PCDHGA10: variants seen among roughly 807,000 people sequenced by gnomAD.
PCDHGA10 encodes protocadherin gamma subfamily A, 10.
In PCDHGA10, 42 loss-of-function variants were observed where a neutral mutation model predicts 59.5. The ratio of observed to expected loss-of-function variants is 0.71; its 90% CI spans 0.55 to 0.91. The LOEUF (loss-of-function observed/expected upper bound fraction) is 0.91. Ranked by LOEUF, PCDHGA10 falls within the 40% of genes least tolerant of loss-of-function variation. The probability of loss-of-function intolerance (pLI) is 0.00; values close to 1 mark genes in which losing one functional copy is unlikely to be tolerated. For synonymous variants in PCDHGA10, 511 were observed against 517.2 expected (o/e 0.99, Z 0.16); for missense variants, 1,111 against 1,198.2 (o/e 0.93, Z 1.07).
chr5:141,431,968 T>G lies in PCDHGA10; in HGVS notation c.2436+16357T>G, dbSNP rs571981127. 6.2e-7 allele frequency: 1 copy of G among 1,614,190 alleles called. No individual in the cohort carries two copies. Among genetic ancestry groups the G allele is most frequent in the Admixed American group, 1.7e-5 (1 of 60,024 alleles). On this transcript the variant is annotated intron_variant, in intron 1 of 3. Coordinates refer to ENST00000398610, the MANE Select transcript of PCDHGA10 (RefSeq NM_018913.3). The surrounding 1 kb of genome is among the most constrained non-coding windows in gnomAD (Gnocchi z 4.8). ...AAAAATCTTACGGAAATTACTATAGTTTAGTCACAGACATAGTCTTGGATA... is the reference window on the plus strand; with the variant it reads ...AAAAATCTTACGGAAATTACTATAGGTTAGTCACAGACATAGTCTTGGATA...
chr5:141,428,546 A>C (rs1476382847), intron 1 of PCDHGA10: 1 of 263,642 alleles, frequency 3.8e-6, no homozygotes, highest in Non-Finnish European at 7.5e-6. Flanking sequence ...ATGACACCAG[A>C]AACAGTCCCC....
intron 1 of PCDHGA10, among the ~76,000 whole-genome samples, chr5:141,457,628 C>T (rs1210673176): frequency 6.6e-6 from 1 of 152,244 alleles, no homozygotes; most frequent in Non-Finnish European, 1.5e-5. Context: ...TAATCTTATA[C>T]TTGGCCTGAT....
At chr5:141,482,999 T>G (rs1031397558) in intron 1 of PCDHGA10, among the ~76,000 whole-genome samples, 3 of 151,950 alleles carry the variant, frequency 2.0e-5, no homozygotes, top group Non-Finnish European at 2.9e-5. Flanking sequence ...GCAGGAGAAT[T>G]GCTTGAACCC....
chr5:141,423,273 G>C, intron 1 of PCDHGA10: 2 of 1,613,896 alleles, frequency 1.2e-6, no homozygotes, highest in Non-Finnish European at 1.7e-6. Flanking sequence ...TCGAGTCTCT[G>C]GCTAACTCTG....
chr5:141,483,736 G>A (rs1296877404), intron 1 of PCDHGA10, among the ~76,000 whole-genome samples: 1 of 152,110 alleles, frequency 6.6e-6, no homozygotes, highest in Non-Finnish European at 1.5e-5. Flanking sequence ...ATAGTCAAAA[G>A]GATATTCCTG....
At chr5:141,454,997 A>G (rs2098809547) in intron 1 of PCDHGA10, among the ~76,000 whole-genome samples, 2 of 151,192 alleles carry the variant, frequency 1.3e-5, no homozygotes, top group Admixed American at 6.6e-5. Flanking sequence ...TATTTTTAGT[A>G]GAGACGGGGT....
intron 1 of PCDHGA10, chr5:141,428,481 C>T (rs2097141995): frequency 3.0e-6 from 1 of 331,008 alleles, no homozygotes; most frequent in Non-Finnish European, 5.8e-6. Flanking sequence ...TGCTTTATTC[C>T]TGCAATCTGT....
At chr5:141,471,495 T>A (rs539663010) in intron 1 of PCDHGA10, 1 of 152,318 alleles carries the variant, frequency 6.6e-6, no homozygotes, top group East Asian at 1.9e-4. Flanking sequence ...ATTTAGGGAA[T>A]GCAAGAGAGG....
Position 141,486,178 on chromosome 5 carries a change from C to T in PCDHGA10, c.2437-8629C>T, listed in dbSNP as rs767840363. The T allele has an allele frequency of 1.1e-5, 17 of 1,614,076 alleles. No homozygotes were observed. The highest frequency in any genetic ancestry group is 1.4e-5 in the Non-Finnish European group (16 of 1,180,038). ...CTCCAGCCATGGAGCAACATTGCAG[C>T]CTTCGAGTGGATCTGCTGGACGTAA... On this transcript the variant is annotated intron_variant, in intron 1 of 3. Coordinates refer to ENST00000398610, the MANE Select transcript of PCDHGA10 (RefSeq NM_018913.3). The surrounding 1 kb of genome is among the most constrained non-coding windows in gnomAD (Gnocchi z 5.0).
intron 1 of PCDHGA10, 161 bp from the exon 2 acceptor site, chr5:141,494,646 T>C (rs1324048407): frequency 1.1e-6 from 1 of 935,836 alleles, no homozygotes; most frequent in East Asian, 1.2e-4. Flanking sequence ...AGACCTGAGG[T>C]GTATTTTGTC....
In PCDHGA10 at chr5:141,489,068, G is replaced by GGC; in HGVS notation, c.2437-5739_2437-5738insGC. 1 of 291,558 alleles carries GGC rather than the reference G, an allele frequency of 3.4e-6. No individual in the cohort carries two copies. The allele number at this position is 291,558 out of a possible 1,614,324, so 18.1% of individuals were successfully genotyped here. ...CTCAAATTCAGCTCCCCTCCCCCCT[G>GGC]CCCACCCCCGCCACTCGGTGACTAA... On this transcript the variant is annotated intron_variant, in intron 1 of 3. Transcript: ENST00000398610. The surrounding 1 kb of genome is among the most constrained non-coding windows in gnomAD (Gnocchi z 4.5).
At chr5:141,450,006 C>CTT (rs1554136305) in intron 1 of PCDHGA10, among the ~76,000 whole-genome samples, 6 of 132,984 alleles carry the variant, frequency 4.5e-5, no homozygotes, top group East Asian at 2.2e-4. Flanking sequence ...TGCCATGTCT[C>CTT]TTTTTTTTTT....
Position 141,414,161 on chromosome 5 carries a change from G to A in PCDHGA10, c.986G>A (p.Gly329Glu), listed in dbSNP as rs960511656. Residue 329 changes from glycine to glutamate, a missense_variant, in exon 1 of 4, where the codon GGA becomes GAA. Coordinates refer to ENST00000398610, the MANE Select transcript of PCDHGA10 (RefSeq NM_018913.3). ...ATAGAAATACAAGCAGAAGATGGAGGAGCATATCTTGCAACTGCAAAAGTG... is the reference window on the plus strand; with the variant it reads ...ATAGAAATACAAGCAGAAGATGGAGAAGCATATCTTGCAACTGCAAAAGTG... ...YEIEIQAEDGGAYLATAKVLI... is the reference protein window; with the variant it reads ...YEIEIQAEDGEAYLATAKVLI... The A allele has an allele frequency of 6.2e-7, 1 of 1,603,276 alleles. No homozygotes were observed. The highest frequency in any genetic ancestry group is 8.5e-7 in the Non-Finnish European group (1 of 1,174,684).
rs2099619316 is a variant in PCDHGA10, at chr5:141,485,794, C to A, written c.2437-9013C>A. The A allele has an allele frequency of 6.2e-7, 1 of 1,614,120 alleles. No homozygotes were observed. The highest frequency in any genetic ancestry group is 1.1e-5 in the South Asian group (1 of 91,092). On this transcript the variant is annotated intron_variant, in intron 1 of 3. Transcript: ENST00000398610. This position sits in a 1 kb window ranked among gnomAD's most constrained non-coding sequence, Gnocchi z 5.7. ...CTTTGGATCGAGAGAAGCAATCGGA[C>A]TACCGCCTGGTGCTGACTGCTGTCG...
intron 1 of PCDHGA10, among the ~76,000 whole-genome samples, chr5:141,450,038 A>G (rs2098666630): frequency 8.1e-6 from 1 of 124,190 alleles, no homozygotes; most frequent in African/African-American, 3.3e-5. Context: ...ACAGGGTCTC[A>G]CTCTTTCGCC....
At chr5:141,415,884 A>C in intron 1 of PCDHGA10, 1 of 981,534 alleles carries the variant, frequency 1.0e-6, no homozygotes, top group Non-Finnish European at 1.4e-6. Context: ...TACAATATTG[A>C]CAATTCCTAA....
intron 1 of PCDHGA10, chr5:141,427,241 T>C (rs1381559575): frequency 4.4e-6 from 2 of 456,696 alleles, no homozygotes; most frequent in Admixed American, 2.3e-5. Flanking sequence ...GAGTAGAAGC[T>C]AAGGATGGTG....
In PCDHGA10 at chr5:141,413,805, C is replaced by T. The variant is rs772637762; in HGVS notation, c.630C>T (p.Ala210=). ...ACTCCCTAGATCGCGAGGAAGAGGCCATTCACCACCTGGTCCTCACCGCCT... is the reference window on the plus strand; with the variant it reads ...ACTCCCTAGATCGCGAGGAAGAGGCTATTCACCACCTGGTCCTCACCGCCT... The part of the protein sequence containing the change: ...LEHSLDREEE[A]IHHLVLTASD... Residue 210 remains alanine (A), a synonymous_variant, in exon 1 of 4, where the codon GCC becomes GCT. Coordinates refer to ENST00000398610, the MANE Select transcript of PCDHGA10 (RefSeq NM_018913.3). 1 of 1,613,166 alleles carries T rather than the reference C, an allele frequency of 6.2e-7. No homozygotes were observed. The highest frequency in any genetic ancestry group is 1.1e-5 in the South Asian group (1 of 91,072).
At chr5:141,446,098 A>G (rs375135134) in intron 1 of PCDHGA10, among the ~76,000 whole-genome samples, 2 of 152,350 alleles carry the variant, frequency 1.3e-5, no homozygotes, top group African/African-American at 4.8e-5. Flanking sequence ...TGGATGAATT[A>G]TAGATATATT....
Sources: gnomAD v4.1 joint callset for allele counts (sites outside exome capture counted in the v4.1 genomes callset) on GRCh38, gnomAD v4.1.1 for gene constraint, Gnocchi (gnomAD v3.1) non-coding constraint, MANE v1.5 for transcripts, NCBI Gene and HGNC (gene_info 2026-07-23, HGNC 2026-07-21) for gene names.